The following ANKRD18A variants were observed in gnomAD, a reference collection of about 807,000 sequenced individuals.
The protein encoded by ANKRD18A is ankyrin repeat domain 18A.
ANKRD18A carries 72 observed loss-of-function variants against 110.6 expected under a neutral mutation model. The observed-to-expected ratio is 0.65, with a 90% CI of 0.54 to 0.79. The LOEUF (loss-of-function observed/expected upper bound fraction) is 0.79. ANKRD18A is among the 30% of genes least tolerant of loss of function. The probability of loss-of-function intolerance (pLI) is 0.00; values close to 1 mark genes in which losing one functional copy is unlikely to be tolerated. For synonymous variants in ANKRD18A, 305 were observed against 410.3 expected, an observed-to-expected ratio of 0.74 and a Z score of 3.10; for missense variants, 934 against 1,163.3, an observed-to-expected ratio of 0.80 and a Z score of 2.87.
downstream of ANKRD18A, chr9:38,567,161 G>T (rs1823501402): frequency 6.6e-6 from 1 of 152,174 alleles, no homozygotes; most frequent in African/African-American, 2.4e-5. Context: ...AAGTTACAAT[G>T]GTAGTGTAGG....
At chr9:38,611,702 C>T (rs1396528404) in intron 3 of ANKRD18A, among the ~76,000 whole-genome samples, 1 of 152,044 alleles carries the variant, frequency 6.6e-6, no homozygotes, top group Admixed American at 6.6e-5. Flanking sequence ...GTAGCGAATG[C>T]TTTAAGTTTT....
rs1205619840 is a variant in ANKRD18A at position 38,578,168 on chromosome 9, G to C, written c.2248-20C>G. On this transcript the variant is annotated intron_variant, in intron 12 of 15. Transcript: ENST00000399703. ...ATTAAACTGCATTAAGAAAATAATAGAGCTTGATAATGAAGTAGGCTGAGA... is the reference window on the plus strand; with the variant it reads ...ATTAAACTGCATTAAGAAAATAATACAGCTTGATAATGAAGTAGGCTGAGA... 1 of 1,527,244 alleles carries C rather than the reference G, an allele frequency of 6.5e-7. No individual in the cohort carries two copies. The highest frequency in any genetic ancestry group is 8.8e-7 in the Non-Finnish European group (1 of 1,140,810). 94.6% of individuals were successfully genotyped at this position (1,527,244 alleles called of 1,614,324 possible).
intron 1 of ANKRD18A, among the ~76,000 whole-genome samples, chr9:38,617,108 C>G (rs1164897759): frequency 2.0e-5 from 3 of 152,146 alleles, no homozygotes; most frequent in Non-Finnish European, 2.9e-5. Context: ...GAAATAACAA[C>G]ATATTTTTTA....
chr9:38,593,974 A>G (rs1824765300), intron 9 of ANKRD18A, 65 bp from the exon 10 acceptor site: 2 of 1,376,902 alleles, frequency 1.5e-6, no homozygotes, highest in Admixed American at 6.5e-5. Context: ...TTAATATTTA[A>G]GTCTAGCATA....
chr9:38,608,247 T>G (rs1825444597), intron 5 of ANKRD18A, among the ~76,000 whole-genome samples: 1 of 152,116 alleles, frequency 6.6e-6, no homozygotes, highest in East Asian at 1.9e-4. Flanking sequence ...AAAACCTGGC[T>G]GGGACAACTA....
Position 38,593,832 on chromosome 9 carries a change from A to G in ANKRD18A, c.1932T>C (p.Gly644=). ...TCAAATTAATATGACAATGTGATGT[A>G]CCTTCCAGTGGAGACTCTGATATTG... is the stretch of plus-strand genomic sequence containing the variant. ...TFSISESPLE[G]TSHCHINLNE... The change falls in exon 10 of 16, where the codon GGT becomes GGC. Residue 644 remains glycine, a synonymous_variant. Transcript: ENST00000399703. 6.5e-7 allele frequency: 1 copy of G among 1,543,184 alleles called. No individual in the cohort carries two copies. The highest frequency in any genetic ancestry group is 8.7e-7 in the Non-Finnish European group (1 of 1,143,814).
chr9:38,610,254 T>C lies in ANKRD18A; in HGVS notation c.740+19A>G. 2.0e-6 allele frequency: 3 copies of C among 1,505,392 alleles called. No homozygotes were observed. Among genetic ancestry groups the C allele is most frequent in the Non-Finnish European group, 2.7e-6 (3 of 1,130,764 alleles). 93.3% of individuals were successfully genotyped at this position (1,505,392 alleles called of 1,614,324 possible). On this transcript the variant is annotated intron_variant, in intron 5 of 15. Coordinates refer to ENST00000399703, the MANE Select transcript of ANKRD18A (RefSeq NM_147195.4). The stretch of plus-strand genomic sequence containing the variant: ...AACCTTAATTTAGTATTAACCGGTC[T>C]TTTAATATAAGCACATACCTTCTCA...
rs1477928790 is a variant in ANKRD18A at position 38,577,123 on chromosome 9, A to G, written c.2671T>C (p.Leu891=). 12 of 1,549,338 alleles carry G rather than the reference A, an allele frequency of 7.7e-6. No homozygotes were observed. The change falls in exon 14 of 16, where the codon TTA becomes CTA. Residue 891 remains leucine, a synonymous_variant. Coordinates refer to ENST00000399703, the MANE Select transcript of ANKRD18A (RefSeq NM_147195.4). ...GCAAAGGCTTCCTTAAATTCTTCTA[A>G]TTCAGTTGTAACCTCTTCATAAGCA... ...KTAYEEVTTE[L]EEFKEAFAGA...
chr9:38,597,956 G>C (rs1344247882), intron 8 of ANKRD18A, among the ~76,000 whole-genome samples: 1 of 152,146 alleles, frequency 6.6e-6, no homozygotes, highest in Non-Finnish European at 1.5e-5. Context: ...ATATGTGAAA[G>C]TATGTGTATT....
intron 3 of ANKRD18A, among the ~76,000 whole-genome samples, chr9:38,612,839 A>T (rs922068458): frequency 1.3e-5 from 2 of 152,172 alleles, no homozygotes; most frequent in African/African-American, 4.8e-5. Context: ...TTTAAGGGAC[A>T]TTGCTGAGAA....
chr9:38,567,731 C>T (rs549331460), downstream of ANKRD18A: 9 of 152,266 alleles, frequency 5.9e-5, no homozygotes, highest in African/African-American at 1.4e-4. Context: ...AAGAGCTCAC[C>T]GACGGTGTTG....
chr9:38,597,257 T>A, intron 8 of ANKRD18A, among the ~76,000 whole-genome samples: 1 of 152,174 alleles, frequency 6.6e-6, no homozygotes, highest in Non-Finnish European at 1.5e-5. Flanking sequence ...TGCACTAAGA[T>A]ATTCTTTTCC....
At position 38,571,588 on chromosome 9, in the gene ANKRD18A, A is replaced by G; in HGVS notation, c.*457T>C. On this transcript the variant is annotated 3_prime_UTR_variant, in exon 16 of 16. Coordinates refer to ENST00000399703, the MANE Select transcript of ANKRD18A (RefSeq NM_147195.4). ...GAAGAAAACCGTAACACTAGTATGG[A>G]CAAACCTGGCAGATACTCTTTAAGT... 2.0e-6 allele frequency: 2 copies of G among 1,012,156 alleles called. No individual in the cohort carries two copies. The highest frequency in any genetic ancestry group is 2.4e-6 in the Non-Finnish European group (2 of 847,812). 62.7% of individuals were successfully genotyped at this position (1,012,156 alleles called of 1,614,324 possible). A position where few individuals can be genotyped will look rare whatever the true frequency, so the allele number is the denominator to read the frequency against.
At chr9:38,582,071 T>TGATTTC (rs1824189086) in intron 12 of ANKRD18A, among the ~76,000 whole-genome samples, 1 of 152,080 alleles carries the variant, frequency 6.6e-6, no homozygotes, top group African/African-American at 2.4e-5. Context: ...GATGATGACT[T>TGATTTC]CACTTGATTT....
intron 9 of ANKRD18A, among the ~76,000 whole-genome samples, chr9:38,595,199 G>A (rs141987662): frequency 0.012 from 1,859 of 151,920 alleles, 37 homozygotes; most frequent in African/African-American, 0.042. Context: ...TTACTGTGTC[G>A]TGCAACCATC....
chr9:38,586,731 A>C (rs1824398980), intron 11 of ANKRD18A, among the ~76,000 whole-genome samples: 1 of 152,036 alleles, frequency 6.6e-6, no homozygotes, highest in South Asian at 2.1e-4. Context: ...ATGCCTGGCT[A>C]ATTTTGTATT....
At chr9:38,601,283 C>A in intron 7 of ANKRD18A, 79 bp from the exon 8 acceptor site, 2 of 1,291,592 alleles carry the variant, frequency 1.5e-6, no homozygotes, top group East Asian at 5.1e-5. Context: ...GAACAACACA[C>A]ACTTTTATAA....
At chr9:38,588,293 T>A (rs1229473963) in intron 11 of ANKRD18A, among the ~76,000 whole-genome samples, 3 of 152,188 alleles carry the variant, frequency 2.0e-5, no homozygotes, top group South Asian at 2.1e-4. Flanking sequence ...AGAGATCTAT[T>A]TTTCATCACT....
intron 7 of ANKRD18A, 113 bp from the exon 8 acceptor site, chr9:38,601,317 A>T (rs1161572870): frequency 3.8e-6 from 4 of 1,059,778 alleles, no homozygotes; most frequent in Non-Finnish European, 5.3e-6. Context: ...ATGAAGCTTA[A>T]TGTTTACTGG....
Sources: gnomAD v4.1 joint callset for allele counts (sites outside exome capture counted in the v4.1 genomes callset) on GRCh38, gnomAD v4.1.1 for gene constraint, MANE v1.5 for transcripts, NCBI Gene and HGNC (gene_info 2026-07-23, HGNC 2026-07-21) for gene names.